The following OTOGL variants were observed in gnomAD, a reference collection of about 807,000 sequenced individuals.
OTOGL encodes otogelin-like protein.
In OTOGL, 285 loss-of-function variants were observed where a neutral mutation model predicts 318.5. That is an observed-to-expected ratio of 0.89 (90% CI 0.81 to 0.99). OTOGL has a LOEUF of 0.99. OTOGL is among the 50% of genes least tolerant of loss of function. The pLI, the probability that OTOGL is intolerant of heterozygous loss-of-function variation, is 0.00. For synonymous variants in OTOGL, 987 were observed against 936.5 expected (o/e 1.05, Z -0.99); for missense variants, 2,899 against 2,845.6 (o/e 1.02, Z -0.43).
At chr12:80,160,883 A>T (rs969439610) in intron 1 of OTOGL, among the ~76,000 whole-genome samples, 1 of 152,076 alleles carries the variant, frequency 6.6e-6, no homozygotes, top group African/African-American at 2.4e-5. Flanking sequence ...TATATATACA[A>T]TGGAATACTA....
chr12:80,112,255 C>T (rs1234096162), intron 1 of OTOGL, among the ~76,000 whole-genome samples: 2 of 152,124 alleles, frequency 1.3e-5, no homozygotes, highest in Admixed American at 1.3e-4. Context: ...TGCCTGATTG[C>T]CCTAGCCAGA....
At position 80,336,539 on chromosome 12, in the gene OTOGL, A is replaced by G; in HGVS notation, c.4727A>G (p.Lys1576Arg). Residue 1576 changes from lysine (K) to arginine (R), a missense_variant, in exon 40 of 59, where the codon AAA becomes AGA. By Grantham distance (26) the Lys-to-Arg change is conservative (BLOSUM62 2). Transcript: ENST00000547103. ...PGEIIVAHIE[K>R]CSMNQNGNSL... The stretch of plus-strand genomic sequence containing the variant: ...GAAATTATAGTTGCTCATATCGAAA[A>G]ATGTTCCATGAATCAGGTGGGTCAT... 6.2e-7 allele frequency: 1 copy of G among 1,608,514 alleles called. No individual in the cohort carries two copies. The highest frequency in any genetic ancestry group is 8.5e-7 in the Non-Finnish European group (1 of 1,176,772).
At chr12:80,278,999 G>GT in intron 25 of OTOGL, 29 bp from the exon 26 acceptor site, 1 of 997,560 alleles carries the variant, frequency 1.0e-6, no homozygotes, top group Non-Finnish European at 1.5e-6. Flanking sequence ...CGTTTCTTTA[G>GT]AAAGGTAACT....
chr12:80,247,531 G>C (rs1881027711), intron 11 of OTOGL, among the ~76,000 whole-genome samples: 1 of 105,826 alleles, frequency 9.4e-6, no homozygotes, highest in African/African-American at 4.6e-5. Context: ...CTGAGAGATA[G>C]TTTGTTATAA....
intron 1 of OTOGL, among the ~76,000 whole-genome samples, chr12:80,198,772 T>G (rs1381255222): frequency 2.0e-5 from 3 of 152,212 alleles, no homozygotes; most frequent in Non-Finnish European, 4.4e-5. Context: ...TTTCACCTCA[T>G]GCCCCATGCC....
intron 1 of OTOGL, among the ~76,000 whole-genome samples, chr12:80,137,488 G>C (rs1353530601): frequency 1.3e-5 from 2 of 152,064 alleles, no homozygotes; most frequent in Non-Finnish European, 2.9e-5. Flanking sequence ...TTAGATGTTT[G>C]ACCCAAGACA....
chr12:80,307,749 G>A (rs1424832558), intron 29 of OTOGL, among the ~76,000 whole-genome samples: 4 of 97,044 alleles, frequency 4.1e-5, no homozygotes, highest in African/African-American at 1.6e-4. Context: ...GGCAGACCCC[G>A]CCACCTCCCT....
chr12:80,337,054 A>G (rs978007950), intron 42 of OTOGL, 50 bp downstream of exon 42: 1 of 1,328,446 alleles, frequency 7.5e-7, no homozygotes, highest in Non-Finnish European at 1.0e-6. Context: ...AAAATAAATT[A>G]TACAAACAGT....
At chr12:80,172,670 G>T (rs1019466535) in intron 1 of OTOGL, among the ~76,000 whole-genome samples, 1 of 151,876 alleles carries the variant, frequency 6.6e-6, no homozygotes, top group Non-Finnish European at 1.5e-5. Flanking sequence ...TAAAGAAAAT[G>T]TGGTACATAT....
In OTOGL at chr12:80,199,810, A is replaced by G. The variant is rs552089637; in HGVS notation, c.-19-9603A>G. Among the ~76,000 whole-genome samples, 8 of 152,330 alleles carry G rather than the reference A, an allele frequency of 5.3e-5. No homozygotes were observed. In the East Asian group the frequency reaches 1.5e-3, roughly 29 times the overall value. On this transcript the variant is annotated intron_variant, in intron 1 of 58. Transcript: ENST00000547103. Reference sequence around the variant, plus strand: ...AACCAGGAGGAAAGCCAGATGCTGGATGCTGAATTGCAGCACATTACTATC... The same window carrying G: ...AACCAGGAGGAAAGCCAGATGCTGGGTGCTGAATTGCAGCACATTACTATC...
At position 80,265,035 on chromosome 12, in the gene OTOGL, G is replaced by T; in HGVS notation, c.2049G>T (p.Gln683His). 6.2e-7 allele frequency: 1 copy of T among 1,613,916 alleles called. No individual in the cohort carries two copies. Among genetic ancestry groups the T allele is most frequent in the Non-Finnish European group, 8.5e-7 (1 of 1,179,848 alleles). Residue 683 changes from glutamine (Q) to histidine (H), a missense_variant, in exon 20 of 59, where the codon CAG becomes CAT. By Grantham distance (24) the Gln-to-His change is conservative. Coordinates refer to ENST00000547103, the MANE Select transcript of OTOGL (RefSeq NM_001378609.3). ...GYAAHCDVIH[Q>H]ELFAPCHIYI... ...CAGCACACTGTGATGTCATCCACCA[G>T]GAGCTCTTTGCTCCTTGCCACATCT... is the stretch of plus-strand genomic sequence containing the variant.
chr12:80,151,902 T>C (rs996343661), intron 1 of OTOGL, among the ~76,000 whole-genome samples: 1 of 152,264 alleles, frequency 6.6e-6, no homozygotes, highest in African/African-American at 2.4e-5. Flanking sequence ...ATCATTCACT[T>C]GTCTGTGCTT....
intron 6 of OTOGL, among the ~76,000 whole-genome samples, chr12:80,220,481 G>T (rs1052822105): frequency 3.3e-5 from 5 of 151,932 alleles, no homozygotes; most frequent in African/African-American, 1.2e-4. Flanking sequence ...TTAAAACCAG[G>T]TTCTCATTCA....
At chr12:80,339,298 G>GTTTTTTTTTTTTTTTTTTTTTTTTTT (rs10715159) in intron 43 of OTOGL, 34 bp downstream of exon 43, 6 of 538,108 alleles carry the variant, frequency 1.1e-5, no homozygotes, top group Non-Finnish European at 1.3e-5. Context: ...GATTTCGTCT[G>GTTTTTTTTTTTTTTTTTTTTTTTTTT]TTTTTTTTTT....
chr12:80,139,183 C>G, intron 1 of OTOGL, among the ~76,000 whole-genome samples: 1 of 152,090 alleles, frequency 6.6e-6, no homozygotes, highest in Non-Finnish European at 1.5e-5. Flanking sequence ...GATGGCAGCT[C>G]CTTGATCATG....
rs1194801655 is a variant in OTOGL at position 80,349,975 on chromosome 12, ATATAATAT to A, written c.5266-2315_5266-2308del. On this transcript the variant is annotated intron_variant, in intron 44 of 58. Coordinates refer to ENST00000547103, the MANE Select transcript of OTOGL (RefSeq NM_001378609.3). ...CATCCACTCTCAGCATTTTTCAATA[ATATAATAT>A]TATAGTCAACATGCTGTACAATAGA... Among the ~76,000 whole-genome samples, 18 of 152,188 alleles carry A rather than the reference ATATAATAT, an allele frequency of 1.2e-4. 1 individual carries two copies. The highest frequency in any genetic ancestry group is 1.2e-3 in the Admixed American group (18 of 15,276).
chr12:80,173,769 C>T (rs920951459), intron 1 of OTOGL, among the ~76,000 whole-genome samples: 2 of 152,118 alleles, frequency 1.3e-5, no homozygotes, highest in Non-Finnish European at 2.9e-5. Flanking sequence ...TACCCTTAAT[C>T]CTAAGGGTTG....
Position 80,367,547 on chromosome 12 carries a change from T to C in OTOGL, c.6332-14T>C, listed in dbSNP as rs1001236025. 1 of 1,474,188 alleles carries C rather than the reference T, an allele frequency of 6.8e-7. No homozygotes were observed. Among genetic ancestry groups the C allele is most frequent in the Non-Finnish European group, 9.2e-7 (1 of 1,091,814 alleles). The allele number at this position is 1,474,188 out of a possible 1,614,324, so 91.3% of individuals were successfully genotyped here. A position where few individuals can be genotyped will look rare whatever the true frequency, so the allele number is the denominator to read the frequency against. On this transcript the variant is annotated splice_polypyrimidine_tract_variant and intron_variant, in intron 53 of 58. Transcript: ENST00000547103. ...ACAGTATATTTTCTTATTGACTATG[T>C]TTTCTGTTCTTAGAAAAGGATGATG...
intron 46 of OTOGL, among the ~76,000 whole-genome samples, chr12:80,355,207 CTTTTCTTTCTTTCTTTCT>C (rs746095043): frequency 1.4e-5 from 2 of 140,514 alleles, no homozygotes; most frequent in Admixed American, 7.3e-5. Context: ...TTACTTTTTT[CTTTTCTTTCTTTCTTTCT>C]TTTCTTTTTT....
Sources: allele counts gnomAD v4.1 joint callset (sites outside exome capture counted in the v4.1 genomes callset), GRCh38; gene constraint gnomAD v4.1.1; transcripts MANE v1.5; gene names NCBI Gene and HGNC (gene_info 2026-07-23, HGNC 2026-07-21).